The following LAMC3 variants were observed in gnomAD, a reference collection of about 807,000 sequenced individuals.
LAMC3 encodes laminin subunit gamma 3.
Under a neutral mutation model 173.8 loss-of-function variants are expected in LAMC3, and 128 were observed. The observed-to-expected ratio is 0.74, with a 90% CI of 0.64 to 0.85. The LOEUF (loss-of-function observed/expected upper bound fraction) is 0.85, where lower values mean the gene tolerates loss of function less well. Among genes scored for constraint, LAMC3 ranks in the 40% least tolerant of loss-of-function variants. The probability of loss-of-function intolerance (pLI) is 0.00; values close to 1 mark genes in which losing one functional copy is unlikely to be tolerated. For missense variants in LAMC3, 2,022 were observed against 2,156.0 expected, an observed-to-expected ratio of 0.94 and a Z score of 1.23; for synonymous variants, 897 against 909.1, an observed-to-expected ratio of 0.99 and a Z score of 0.24.
intron 1 of LAMC3, among the ~76,000 whole-genome samples, chr9:131,014,277 A>G (rs1005450683): frequency 6.6e-6 from 1 of 152,204 alleles, no homozygotes; most frequent in African/African-American, 2.4e-5. Context: ...AGCGCCTTAC[A>G]TGTGCTGTGG....
intron 4 of LAMC3, among the ~76,000 whole-genome samples, chr9:131,037,649 A>G (rs1465657386): frequency 6.6e-6 from 1 of 152,150 alleles, no homozygotes; most frequent in Non-Finnish European, 1.5e-5. Context: ...CTACAGGCAC[A>G]TACATCACCA....
chr9:131,079,467 G>A (rs1830196918), intron 23 of LAMC3, among the ~76,000 whole-genome samples, 169 bp downstream of exon 23: 1 of 152,142 alleles, frequency 6.6e-6, no homozygotes, highest in Admixed American at 6.6e-5. Context: ...GGCCGAGACG[G>A]GTGGATCACG....
In LAMC3 at chr9:131,041,628, C is replaced by A. The variant is rs1231853479; in HGVS notation, c.1284-9C>A. ...TGCACATTTTCCTCTTGTCCTGTCT[C>A]ATTGGCAGACCCTGCACTTGCAATC... On this transcript the variant is annotated splice_polypyrimidine_tract_variant and intron_variant, in intron 6 of 27. Transcript: ENST00000361069. 6.2e-7 allele frequency: 1 copy of A among 1,613,328 alleles called. No homozygotes were observed. The highest frequency in any genetic ancestry group is 1.7e-5 in the Admixed American group (1 of 59,994).
In LAMC3 at chr9:131,039,263, C is replaced by T. The variant is rs369184450; in HGVS notation, c.1283+15C>T. 798 of 1,592,148 alleles carry T rather than the reference C, an allele frequency of 5.0e-4. 2 individuals are homozygous for T. Among genetic ancestry groups the T allele is most frequent in the Admixed American group, 7.2e-4 (43 of 59,978 alleles). ...GGAGGCTGCAGGTGAGGGCGAGGGG[C>T]GGCCCAGTATGGACACATTGCACTG... On this transcript the variant is annotated intron_variant, in intron 6 of 27. Coordinates refer to ENST00000361069, the MANE Select transcript of LAMC3 (RefSeq NM_006059.4).
intron 18 of LAMC3, among the ~76,000 whole-genome samples, chr9:131,071,971 T>C (rs1830043601): frequency 6.6e-6 from 1 of 152,108 alleles, no homozygotes; most frequent in Non-Finnish European, 1.5e-5. Flanking sequence ...GCTCAGCACA[T>C]AGAAAATCTT....
Position 131,072,833 on chromosome 9 carries a change from C to G in LAMC3, c.3415C>G (p.Leu1139Val). The G allele has an allele frequency of 6.2e-7, 1 of 1,609,942 alleles. No homozygotes were observed. The highest frequency in any genetic ancestry group is 1.3e-5 in the African/African-American group (1 of 75,008). ...GCATGCAGCTGCCATTCTCGCGTCT[C>G]TGGTATCCCAGGGGACCCCCCTACC... ...ILHAAAILAS[L>V]EIPQEGPSQP... is the part of the protein sequence containing the mutation. Residue 1139 changes from leucine (L) to valine (V), a missense_variant and splice_region_variant, in exon 19 of 28, where the codon CTG becomes GTG. Coordinates refer to ENST00000361069, the MANE Select transcript of LAMC3 (RefSeq NM_006059.4).
chr9:131,034,028 C>G (rs1833897986), intron 3 of LAMC3, among the ~76,000 whole-genome samples: 1 of 152,138 alleles, frequency 6.6e-6, no homozygotes, highest in Admixed American at 6.5e-5. Flanking sequence ...GGAGGAGCTC[C>G]CCGGGGAAGG....
At chr9:131,066,101 A>G (rs1829927091) in intron 13 of LAMC3, among the ~76,000 whole-genome samples, 2 of 152,188 alleles carry the variant, frequency 1.3e-5, no homozygotes, top group Non-Finnish European at 2.9e-5. Flanking sequence ...AGGCTGAGGC[A>G]GGAGAATCTC....
Position 131,087,726 on chromosome 9 carries a change from T to C in LAMC3, c.4386T>C (p.Ala1462=), listed in dbSNP as rs1433903476. 3 of 1,614,100 alleles carry C rather than the reference T, an allele frequency of 1.9e-6. No individual in the cohort carries two copies. The highest frequency in any genetic ancestry group is 1.1e-5 in the South Asian group (1 of 91,082). Residue 1462 remains alanine, a synonymous_variant, in exon 27 of 28, where the codon GCT becomes GCC. Transcript: ENST00000361069. ...QELEEAERVG[A]GLSEMEQQIR... ...CCTCCTCCCCCTGAAAGGTGGGTGC[T>C]GGGCTGAGCGAGATGGAGCAGCAGA...
intron 18 of LAMC3, among the ~76,000 whole-genome samples, chr9:131,072,328 T>C (rs182982827): frequency 3.3e-5 from 5 of 152,210 alleles, no homozygotes; most frequent in Admixed American, 2.6e-4. Flanking sequence ...GTGAGCCACA[T>C]TGTGAATCAG....
rs769222394 is a variant in LAMC3, at chr9:131,039,079, C to T, written c.1165+27C>T. On this transcript the variant is annotated intron_variant, in intron 5 of 27. Coordinates refer to ENST00000361069, the MANE Select transcript of LAMC3 (RefSeq NM_006059.4). ...TGAGTGGACTCCACATCCCCAGCCT[C>T]CGACCCTCTCCCTTTCCTGGCCTCA... is the stretch of plus-strand genomic sequence containing the variant. The T allele has an allele frequency of 2.5e-6, 4 of 1,612,446 alleles. No homozygotes were observed. The Admixed American group carries it at 5.0e-5, about 20-fold the overall frequency.
intron 2 of LAMC3, among the ~76,000 whole-genome samples, chr9:131,027,128 C>T (rs114808776): frequency 0.01 from 1,560 of 152,340 alleles, 29 homozygotes; most frequent in African/African-American, 0.035. Context: ...CAGAGCTGTC[C>T]CTTCCCTGGC....
intron 7 of LAMC3, among the ~76,000 whole-genome samples, chr9:131,043,756 T>C (rs565117124): frequency 3.4e-4 from 52 of 152,312 alleles, no homozygotes; most frequent in African/African-American, 1.2e-3. Context: ...CAGTGGTAAT[T>C]GCTACAGGCA....
chr9:131,019,503 T>C (rs998500487), intron 1 of LAMC3, among the ~76,000 whole-genome samples: 1 of 151,922 alleles, frequency 6.6e-6, no homozygotes, highest in Non-Finnish European at 1.5e-5. Context: ...GATCACATTG[T>C]CCCAAGTGTG....
At chr9:131,058,842 C>T (rs935439536) in intron 12 of LAMC3, among the ~76,000 whole-genome samples, 8 of 146,716 alleles carry the variant, frequency 5.5e-5, no homozygotes, top group African/African-American at 1.3e-4. Context: ...TGCAGAGAGC[C>T]GAAATCATGC....
intron 21 of LAMC3, 137 bp downstream of exon 21, chr9:131,076,102 A>G (rs571356669): frequency 2.2e-6 from 2 of 917,908 alleles, no homozygotes; most frequent in Non-Finnish European, 3.2e-6. Context: ...TTGGGTCTGC[A>G]TCCTCCTCGG....
intron 1 of LAMC3, among the ~76,000 whole-genome samples, chr9:131,019,887 G>C (rs555968117): frequency 1.6e-4 from 23 of 147,966 alleles, no homozygotes; most frequent in African/African-American, 1.7e-4. Flanking sequence ...AGCCTCCCCC[G>C]GCCGGGCCCC....
rs12350077 is a variant in LAMC3 at position 131,053,240 on chromosome 9, C to T, written c.1939+275C>T. ...AGAGGCAGGTGTGCGGCCAGCAAGCCACCCAGACCCGCTGGGTGTGCTCAC... is the reference window on the plus strand; with the variant it reads ...AGAGGCAGGTGTGCGGCCAGCAAGCTACCCAGACCCGCTGGGTGTGCTCAC... On this transcript the variant is annotated intron_variant, in intron 11 of 27. Coordinates refer to ENST00000361069, the MANE Select transcript of LAMC3 (RefSeq NM_006059.4). Among the ~76,000 whole-genome samples the T allele has an allele frequency of 0.017, 2,656 of 152,292 alleles. 80 individuals carry two copies. Among genetic ancestry groups the T allele is most frequent in the African/African-American group, 0.06 (2,500 of 41,560 alleles).
At position 131,032,056 on chromosome 9, in the gene LAMC3, CA is replaced by C; in HGVS notation, c.691del (p.Ser231AlafsTer8). Reference protein sequence around the residue: ...ESPGLQEWVTSTELLISLDRL... With the variant: ...ESPGLQEWVTXTELLISLDRL... ...CCCCTCTGCCCCAGGAGTGGGTCAC[CA>C]GCACCGAACTCCTCATCTCTCTAGA... On this transcript the variant is annotated frameshift_variant, in exon 3 of 28. Transcript: ENST00000361069. LOFTEE classifies it high-confidence loss of function. 1 of 1,614,062 alleles carries C rather than the reference CA, an allele frequency of 6.2e-7. No individual in the cohort carries two copies. The highest frequency in any genetic ancestry group is 8.5e-7 in the Non-Finnish European group (1 of 1,179,984).
Sources: gnomAD v4.1 joint callset for allele counts (sites outside exome capture counted in the v4.1 genomes callset) on GRCh38, gnomAD v4.1.1 for gene constraint, MANE v1.5 for transcripts, NCBI Gene and HGNC (gene_info 2026-07-23, HGNC 2026-07-21) for gene names.